The following SYNPR variants were observed in gnomAD, a reference collection of about 807,000 sequenced individuals.
The protein encoded by SYNPR is synaptoporin.
Under a neutral mutation model 32.9 loss-of-function variants are expected in SYNPR, and 23 were observed. The observed-to-expected ratio is 0.70, with a 90% confidence interval of 0.50 to 0.99. The LOEUF (loss-of-function observed/expected upper bound fraction) is 0.99, where lower values mean the gene tolerates loss of function less well. Ranked by LOEUF, SYNPR falls within the 50% of genes least tolerant of loss-of-function variation. SYNPR has a pLI of 0.00. For missense variants in SYNPR, 318 were observed against 349.3 expected (o/e 0.91, Z 0.71); for synonymous variants, 146 against 135.9 (o/e 1.07, Z -0.52).
At chr3:63,595,816 GTT>G (rs1337703006) in intron 4 of SYNPR, among the ~76,000 whole-genome samples, 28 of 41,100 alleles carry the variant, frequency 6.8e-4, no homozygotes, top group Non-Finnish European at 1.2e-3. Context: ...TATATATATA[GTT>G]TTATATATAT....
intron 2 of SYNPR, chr3:63,444,282 C>T (rs937189419): frequency 2.6e-5 from 4 of 152,136 alleles, no homozygotes; most frequent in African/African-American, 4.8e-5. Context: ...TGGTTAGCTG[C>T]GTTCTTTTTG....
At chr3:63,541,608 C>T (rs1702304962) in intron 3 of SYNPR, among the ~76,000 whole-genome samples, 1 of 152,004 alleles carries the variant, frequency 6.6e-6, no homozygotes, top group Non-Finnish European at 1.5e-5. Flanking sequence ...CGTACTAAAT[C>T]CTGCTAATAT....
chr3:63,452,864 G>A (rs1700404609), intron 2 of SYNPR, among the ~76,000 whole-genome samples: 1 of 152,056 alleles, frequency 6.6e-6, no homozygotes, highest in South Asian at 2.1e-4. Context: ...CTGGTAAAAT[G>A]GAGGGAAAAA....
the SYNPR span, among the ~76,000 whole-genome samples, chr3:63,204,275 ACT>A: frequency 6.6e-6 from 1 of 152,074 alleles, no homozygotes; most frequent in African/African-American, 2.4e-5. Flanking sequence ...CCCTCCGAAG[ACT>A]CTAGGGTTGG....
chr3:63,253,105 T>C (rs2086348055), intron 2 of SYNPR, among the ~76,000 whole-genome samples: 3 of 152,016 alleles, frequency 2.0e-5, no homozygotes, highest in Non-Finnish European at 1.5e-5. Flanking sequence ...ACTGAAAATA[T>C]TTGGCAAGTC....
intron 1 of SYNPR, among the ~76,000 whole-genome samples, chr3:63,245,072 G>T (rs2086274153): frequency 6.6e-6 from 1 of 152,082 alleles, no homozygotes; most frequent in Non-Finnish European, 1.5e-5. Flanking sequence ...CATCTCCAAA[G>T]CATAAGGAAA....
chr3:63,442,063 C>G (rs1453501629), intron 2 of SYNPR, among the ~76,000 whole-genome samples: 3 of 152,136 alleles, frequency 2.0e-5, no homozygotes, highest in South Asian at 2.1e-4. Flanking sequence ...TTGGTTTGGT[C>G]CCCCAACCTC....
chr3:63,523,316 T>G (rs538240774), intron 3 of SYNPR, among the ~76,000 whole-genome samples: 1 of 152,256 alleles, frequency 6.6e-6, no homozygotes, highest in South Asian at 2.1e-4. Flanking sequence ...AGTTTACGTC[T>G]GGCTTCCTGT....
At chr3:63,586,783 A>G (rs1324746861) in intron 4 of SYNPR, among the ~76,000 whole-genome samples, 6 of 151,712 alleles carry the variant, frequency 4.0e-5, no homozygotes, top group African/African-American at 7.3e-5. Flanking sequence ...AGATAGTCCT[A>G]TGCGCAAGGA....
At chr3:63,388,088 T>C (rs1265313026) in intron 2 of SYNPR, among the ~76,000 whole-genome samples, 1 of 152,034 alleles carries the variant, frequency 6.6e-6, no homozygotes, top group East Asian at 1.9e-4. Context: ...TCTTTCCAGC[T>C]GGGGCGAGGG....
chr3:63,411,775 G>A (rs1196046335), intron 2 of SYNPR, among the ~76,000 whole-genome samples: 4 of 152,270 alleles, frequency 2.6e-5, no homozygotes, highest in Non-Finnish European at 4.4e-5. Flanking sequence ...GGCTTTGGTG[G>A]TACTGGGGAG....
At chr3:63,557,679 T>C (rs1702617911) in intron 4 of SYNPR, among the ~76,000 whole-genome samples, 2 of 152,212 alleles carry the variant, frequency 1.3e-5, no homozygotes, top group Admixed American at 1.3e-4. Context: ...GGTGACATGT[T>C]ACTATGCGAT....
chr3:63,491,556 T>C (rs1158554737), intron 3 of SYNPR, among the ~76,000 whole-genome samples: 1 of 152,286 alleles, frequency 6.6e-6, no homozygotes, highest in South Asian at 2.1e-4. Flanking sequence ...AGTCTTGCTC[T>C]GTCACCCAGG....
intron 4 of SYNPR, among the ~76,000 whole-genome samples, chr3:63,571,381 CA>C (rs1702882945): frequency 6.6e-6 from 1 of 152,106 alleles, no homozygotes; most frequent in African/African-American, 2.4e-5. Context: ...AGGTATTAAT[CA>C]TTGTGTTTTT....
intron 4 of SYNPR, among the ~76,000 whole-genome samples, chr3:63,595,007 T>G (rs1208823386): frequency 6.6e-6 from 1 of 152,068 alleles, no homozygotes; most frequent in African/African-American, 2.4e-5. Context: ...AAGGGATAAA[T>G]GTGGAGCCTC....
At chr3:63,444,819 AAT>A (rs1195749161) in intron 2 of SYNPR, among the ~76,000 whole-genome samples, 10 of 152,162 alleles carry the variant, frequency 6.6e-5, no homozygotes, top group Admixed American at 2.0e-4. Context: ...CAGCCTCAAA[AAT>A]ACACTAATCC....
chr3:63,602,984 T>G (rs1362710750), intron 4 of SYNPR, among the ~76,000 whole-genome samples: 1 of 152,234 alleles, frequency 6.6e-6, no homozygotes, highest in African/African-American at 2.4e-5. Context: ...GAGCATGGAA[T>G]GTTTTTCCAT....
At chr3:63,326,404 C>G (rs1425833645) in intron 2 of SYNPR, among the ~76,000 whole-genome samples, 1 of 152,010 alleles carries the variant, frequency 6.6e-6, no homozygotes, top group Non-Finnish European at 1.5e-5. Context: ...ATCAAAATAC[C>G]TTACAATAAG....
chr3:63,468,481 T>C (rs1700729031), intron 2 of SYNPR, among the ~76,000 whole-genome samples: 1 of 130,666 alleles, frequency 7.7e-6, no homozygotes, highest in Non-Finnish European at 1.5e-5. Flanking sequence ...CTATTTAATA[T>C]ACCTGCAAAG....
Sources: gnomAD v4.1 joint callset for allele counts (sites outside exome capture counted in the v4.1 genomes callset) on GRCh38, gnomAD v4.1.1 for gene constraint, MANE v1.5 for transcripts, NCBI Gene and HGNC (gene_info 2026-07-23, HGNC 2026-07-21) for gene names.